The following IQCM variants were observed in gnomAD, a reference collection of about 807,000 sequenced individuals.
IQCM encodes IQ motif containing M, also known as IQ domain-containing protein M.
IQCM carries 45 observed loss-of-function variants against 57.6 expected under a neutral mutation model. The observed-to-expected ratio is 0.78, with a 90% CI of 0.62 to 1.00. The LOEUF (loss-of-function observed/expected upper bound fraction) is 1.00. Among genes scored for constraint, IQCM ranks in the 50% least tolerant of loss-of-function variants. The probability of loss-of-function intolerance (pLI) is 0.00; values close to 1 mark genes in which losing one functional copy is unlikely to be tolerated. For synonymous variants in IQCM, 148 were observed against 158.9 expected (o/e 0.93, Z 0.51); for missense variants, 468 against 511.6 (o/e 0.91, Z 0.82).
chr4:149,782,190 T>C (rs909364951), intron 2 of IQCM, among the ~76,000 whole-genome samples: 2 of 152,086 alleles, frequency 1.3e-5, no homozygotes, highest in African/African-American at 4.8e-5. Flanking sequence ...ATGTTATGCA[T>C]AAGCAAGATA....
intron 2 of IQCM, among the ~76,000 whole-genome samples, chr4:149,746,707 T>G (rs2149922266): frequency 6.6e-6 from 1 of 152,314 alleles, no homozygotes; most frequent in East Asian, 1.9e-4. Context: ...AAGGTAAAAT[T>G]TTTGGGCAAG....
At chr4:149,718,261 G>A (rs972094841) in intron 5 of IQCM, among the ~76,000 whole-genome samples, 1 of 152,088 alleles carries the variant, frequency 6.6e-6, no homozygotes, top group South Asian at 2.1e-4. Context: ...AACTCAGAAG[G>A]AAAAAGGTGG....
chr4:149,605,005 A>C (rs1207563965), intron 8 of IQCM, among the ~76,000 whole-genome samples: 1 of 152,216 alleles, frequency 6.6e-6, no homozygotes, highest in Non-Finnish European at 1.5e-5. Flanking sequence ...TCACAATCAC[A>C]TATCTGTTTA....
chr4:149,446,700 A>C (rs1736548653), intron 12 of IQCM, among the ~76,000 whole-genome samples: 1 of 151,606 alleles, frequency 6.6e-6, no homozygotes, highest in African/African-American at 2.4e-5. Flanking sequence ...ACATTCTTAT[A>C]AATTATACAT....
At chr4:149,437,479 A>C (rs545434103) in intron 12 of IQCM, among the ~76,000 whole-genome samples, 19 of 151,976 alleles carry the variant, frequency 1.3e-4, no homozygotes, top group African/African-American at 4.6e-4. Context: ...ACTCTACACC[A>C]CCTCTAGTTT....
At chr4:149,686,837 A>G (rs1188480249) in intron 5 of IQCM, among the ~76,000 whole-genome samples, 1 of 151,500 alleles carries the variant, frequency 6.6e-6, no homozygotes, top group Non-Finnish European at 1.5e-5. Flanking sequence ...TTCTTACAGA[A>G]GGGGCTGCTA....
At chr4:149,564,353 G>A (rs1420102696) in intron 9 of IQCM, among the ~76,000 whole-genome samples, 1 of 152,160 alleles carries the variant, frequency 6.6e-6, no homozygotes, top group African/African-American at 2.4e-5. Flanking sequence ...TATGGTGGTA[G>A]GATCATGGCC....
At chr4:149,386,601 A>T (rs1414296797) in intron 13 of IQCM, among the ~76,000 whole-genome samples, 2 of 152,048 alleles carry the variant, frequency 1.3e-5, no homozygotes, top group Non-Finnish European at 2.9e-5. Flanking sequence ...AAAACTGTTC[A>T]TTTGTCCCAA....
At chr4:149,368,846 A>G (rs1730073872) in intron 13 of IQCM, among the ~76,000 whole-genome samples, 3 of 84,730 alleles carry the variant, frequency 3.5e-5, no homozygotes, top group Non-Finnish European at 4.9e-5. Flanking sequence ...ATATATACAT[A>G]TATATACATG....
At chr4:149,392,473 T>A (rs550487910) in intron 13 of IQCM, among the ~76,000 whole-genome samples, 47 of 152,172 alleles carry the variant, frequency 3.1e-4, no homozygotes, top group African/African-American at 1.1e-3. Flanking sequence ...GATTAAAATC[T>A]GTCCACGGGG....
At chr4:149,378,079 A>G (rs1209664359) in intron 13 of IQCM, among the ~76,000 whole-genome samples, 1 of 152,060 alleles carries the variant, frequency 6.6e-6, no homozygotes, top group African/African-American at 2.4e-5. Context: ...ACACCCTTTC[A>G]CTTGGTTTTC....
chr4:149,546,508 C>T (rs1748450697), intron 12 of IQCM, among the ~76,000 whole-genome samples: 1 of 152,192 alleles, frequency 6.6e-6, no homozygotes, highest in Non-Finnish European at 1.5e-5. Flanking sequence ...TAATGATTGC[C>T]ATTCTAACTG....
At chr4:149,361,216 T>C (rs2110919126) in intron 13 of IQCM, among the ~76,000 whole-genome samples, 1 of 152,254 alleles carries the variant, frequency 6.6e-6, no homozygotes, top group East Asian at 1.9e-4. Flanking sequence ...AGAAGTGACT[T>C]GGGTACTGTT....
chr4:149,611,839 C>G (rs905461941), intron 8 of IQCM, among the ~76,000 whole-genome samples: 1 of 151,762 alleles, frequency 6.6e-6, no homozygotes, highest in Non-Finnish European at 1.5e-5. Context: ...AAAAGTGGAA[C>G]TGGAATGTTC....
intron 9 of IQCM, among the ~76,000 whole-genome samples, chr4:149,566,515 C>T (rs748793987): frequency 2.5e-4 from 36 of 146,674 alleles, no homozygotes; most frequent in Non-Finnish European, 2.6e-4. Flanking sequence ...TACACATGTA[C>T]GAGAGAGAGA....
chr4:149,459,457 T>C (rs964205387), intron 12 of IQCM, among the ~76,000 whole-genome samples: 2 of 152,246 alleles, frequency 1.3e-5, no homozygotes, highest in Admixed American at 6.5e-5. Context: ...ACACATAACA[T>C]AAAAGTTACC....
chr4:149,794,747 T>C (rs969295649), intron 2 of IQCM, among the ~76,000 whole-genome samples: 4 of 152,234 alleles, frequency 2.6e-5, no homozygotes, highest in Non-Finnish European at 5.9e-5. Flanking sequence ...ACAAAAGCTG[T>C]AAGATAAAGT....
intron 8 of IQCM, among the ~76,000 whole-genome samples, chr4:149,593,184 T>C (rs138140200): frequency 0.012 from 1,797 of 152,064 alleles, 41 homozygotes; most frequent in African/African-American, 0.042. Flanking sequence ...TCCCTTGTAA[T>C]TGGATTCCTA....
intron 12 of IQCM, among the ~76,000 whole-genome samples, chr4:149,502,439 G>A (rs1290837161): frequency 6.6e-6 from 1 of 152,124 alleles, no homozygotes; most frequent in African/African-American, 2.4e-5. Flanking sequence ...AGGTGGAGGT[G>A]AGAGGATGGC....
Sources: allele counts gnomAD v4.1 joint callset (sites outside exome capture counted in the v4.1 genomes callset), GRCh38; gene constraint gnomAD v4.1.1; transcripts MANE v1.5; gene names NCBI Gene and HGNC (gene_info 2026-07-23, HGNC 2026-07-21).